BEST3: variants seen among roughly 807,000 people sequenced by gnomAD.
BEST3 encodes bestrophin-3.
In BEST3, 50 loss-of-function variants were observed where a neutral mutation model predicts 47.1. That is an observed-to-expected ratio of 1.06 (90% CI 0.85 to 1.34). The LOEUF (loss-of-function observed/expected upper bound fraction) is 1.34, where lower values mean the gene tolerates loss of function less well. Ranked by LOEUF, BEST3 falls within the 40% of genes most tolerant of loss-of-function variation. The pLI is 0.00. For missense variants in BEST3, 765 were observed against 817.0 expected (o/e 0.94, Z 0.78); for synonymous variants, 282 against 298.8 (o/e 0.94, Z 0.58).
downstream of BEST3, among the ~76,000 whole-genome samples, chr12:69,649,124 G>A (rs1404316356): frequency 6.6e-6 from 1 of 152,186 alleles, no homozygotes; most frequent in Non-Finnish European, 1.5e-5. Context: ...CCTCCCAAGA[G>A]CTGGGATTAC....
downstream of BEST3, chr12:69,643,531 T>C (rs74102931): frequency 5.1e-3 from 2,340 of 456,166 alleles, 50 homozygotes; most frequent in African/African-American, 0.042. Flanking sequence ...TAAAATCTCC[T>C]GGGAAGGTAC....
chr12:69,677,267 A>C lies in BEST3; in HGVS notation c.637-10T>G. On this transcript the variant is annotated splice_polypyrimidine_tract_variant and intron_variant, in intron 5 of 9. Coordinates refer to ENST00000330891, the MANE Select transcript of BEST3 (RefSeq NM_032735.3). The stretch of plus-strand genomic sequence containing the variant: ...GGTATCGATTCATTTCCTAAGCCAG[A>C]AACAGATCAAGCATGATTTACTAAG... The C allele has an allele frequency of 2.5e-6, 4 of 1,604,142 alleles. No homozygotes were observed. The highest frequency in any genetic ancestry group is 3.4e-6 in the Non-Finnish European group (4 of 1,174,764).
chr12:69,655,104 C>T lies in BEST3; in HGVS notation c.1810G>A (p.Gly604Arg), dbSNP rs748388072. The change falls in exon 10 of 10, where the codon GGA becomes AGA. Residue 604 changes from glycine to arginine, a missense_variant. Physicochemically the swap from Gly to Arg is moderately radical, Grantham distance 125. Coordinates refer to ENST00000330891, the MANE Select transcript of BEST3 (RefSeq NM_032735.3). Reference protein sequence around the residue: ...GFLGSSHTSLGNLSPDPMSSQ... With the variant: ...GFLGSSHTSLRNLSPDPMSSQ... ...CTCATGGGGTCTGGACTTAGGTTTC[C>T]CAGGGAAGTGTGGCTGGACCCCAGG... 1 of 1,614,090 alleles carries T rather than the reference C, an allele frequency of 6.2e-7. No individual in the cohort carries two copies. The highest frequency in any genetic ancestry group is 1.1e-5 in the South Asian group (1 of 91,078).
chr12:69,659,722 T>C (rs1883755010), intron 9 of BEST3, among the ~76,000 whole-genome samples: 1 of 152,160 alleles, frequency 6.6e-6, no homozygotes, highest in Non-Finnish European at 1.5e-5. Flanking sequence ...TTTTATTTTT[T>C]TTTTTATGCT....
intron 4 of BEST3, chr12:69,687,179 G>C (rs1885663727): frequency 6.6e-6 from 1 of 152,236 alleles, no homozygotes; most frequent in African/African-American, 2.4e-5. Context: ...CTTAGAGCCA[G>C]AGCATCTGAA....
intron 4 of BEST3, among the ~76,000 whole-genome samples, chr12:69,690,775 G>C (rs915783788): frequency 4.6e-5 from 7 of 152,094 alleles, no homozygotes; most frequent in Non-Finnish European, 8.8e-5. Context: ...TAATCTATTT[G>C]TTCCTGGAGA....
chr12:69,678,972 A>G (rs1885083357), intron 4 of BEST3, 79 bp from the exon 5 acceptor site: 3 of 1,167,480 alleles, frequency 2.6e-6, no homozygotes, highest in South Asian at 1.5e-5. Context: ...GCATCTATAT[A>G]AAAGCATATA....
At chr12:69,677,136 G>A in intron 6 of BEST3, 44 bp downstream of exon 6, 1 of 1,613,022 alleles carries the variant, frequency 6.2e-7, no homozygotes, top group Non-Finnish European at 8.5e-7. Context: ...CAGTGCCAAG[G>A]TAGGCAAGTA....
chr12:69,672,850 T>G (rs1884663679), intron 8 of BEST3, 35 bp downstream of exon 8: 1 of 1,463,992 alleles, frequency 6.8e-7, no homozygotes, highest in African/African-American at 1.4e-5. Flanking sequence ...TGATTTATTA[T>G]TAACATTTGA....
At chr12:69,659,837 A>C (rs985511519) in intron 9 of BEST3, among the ~76,000 whole-genome samples, 3 of 152,190 alleles carry the variant, frequency 2.0e-5, no homozygotes, top group Non-Finnish European at 4.4e-5. Context: ...TATACGATAG[A>C]ATAAAAGTAC....
chr12:69,655,603 A>G lies in BEST3; in HGVS notation c.1311T>C (p.Asp437=). The G allele has an allele frequency of 6.2e-7, 1 of 1,613,794 alleles. No homozygotes were observed. Among genetic ancestry groups the G allele is most frequent in the Non-Finnish European group, 8.5e-7 (1 of 1,179,932 alleles). ...CCCTGGGGGGGTTTCTTGAGGGCAC[A>G]TCCAGTAGGTCCCTGGCTGGGCTGA... ...DDLSPARDLL[D]VPSRNPPRAS... is the part of the protein sequence containing the mutation. Residue 437 remains aspartate, a synonymous_variant, in exon 10 of 10, where the codon GAT becomes GAC. Coordinates refer to ENST00000330891, the MANE Select transcript of BEST3 (RefSeq NM_032735.3).
At chr12:69,694,860 T>TAATAATAACAATAATAA (rs1207687912) in intron 2 of BEST3, among the ~76,000 whole-genome samples, 2 of 152,196 alleles carry the variant, frequency 1.3e-5, no homozygotes, top group Admixed American at 6.5e-5. Context: ...ATTAAGTAAT[T>TAATAATAACAATAATAA]GTTAAATAAT....
At chr12:69,674,486 C>A (rs1352465374) in intron 7 of BEST3, among the ~76,000 whole-genome samples, 1 of 152,178 alleles carries the variant, frequency 6.6e-6, no homozygotes. Context: ...TGCCCTGAAT[C>A]AGTAAGCCTC....
At chr12:69,653,595 C>A (rs2547016), downstream of BEST3, 693,626 of 965,954 alleles carry the variant, frequency 0.72, 249,759 homozygotes, top group South Asian at 0.81. Flanking sequence ...ACAGTGTAAG[C>A]ACTCAATAAA....
rs763385722 is a variant in BEST3, at chr12:69,680,310, C to CTTCTTTTTTTTTTTTTTTTTTTTTTT, written c.482-1418_482-1417insAAAAAAAAAAAAAAAAAAAAAAAGAA. Among the ~76,000 whole-genome samples the CTTCTTTTTTTTTTTTTTTTTTTTTTT allele has an allele frequency of 1.2e-3, 116 of 94,976 alleles. 14 individuals are homozygous for CTTCTTTTTTTTTTTTTTTTTTTTTTT. Among genetic ancestry groups the CTTCTTTTTTTTTTTTTTTTTTTTTTT allele is most frequent in the African/African-American group, 3.2e-3 (74 of 23,400 alleles). The allele number at this position is 94,976 out of a possible 152,430, so 62.3% of individuals were successfully genotyped here. Reference sequence around the variant, plus strand: ...TTAAAACTTACAGTTTACACTTGATCTTTTTTTTTTTTTTTTTAGATGGAG... The same window carrying CTTCTTTTTTTTTTTTTTTTTTTTTTT: ...TTAAAACTTACAGTTTACACTTGATCTTCTTTTTTTTTTTTTTTTTTTTTTTTTTTTTTTTTTTTTTTTAGATGGAG... On this transcript the variant is annotated intron_variant, in intron 4 of 9. Transcript: ENST00000330891.
At position 69,697,710 on chromosome 12, in the gene BEST3, T is replaced by C. The variant is rs1045998592; in HGVS notation, c.89A>G (p.Lys30Arg). 1.8e-5 allele frequency: 29 copies of C among 1,613,168 alleles called. No individual in the cohort carries two copies. The highest frequency in any genetic ancestry group is 2.5e-5 in the Non-Finnish European group (29 of 1,179,486). The change falls in exon 2 of 10, where the codon AAA becomes AGA. Residue 30 changes from lysine (K) to arginine (R), a missense_variant. Lys to Arg is a conservative substitution (Grantham distance 26). Transcript: ENST00000330891. ...AACAATAAATTCCCTGTACAGTAGTTTGTAGATGCTGCCTCTCCACTTGAG... is the reference window on the plus strand; with the variant it reads ...AACAATAAATTCCCTGTACAGTAGTCTGTAGATGCTGCCTCTCCACTTGAG... ...LLLKWRGSIYKLLYREFIVFA... is the reference protein window; with the variant it reads ...LLLKWRGSIYRLLYREFIVFA...
At chr12:69,663,700 A>T (rs952445674) in intron 9 of BEST3, among the ~76,000 whole-genome samples, 1 of 152,138 alleles carries the variant, frequency 6.6e-6, no homozygotes, top group African/African-American at 2.4e-5. Flanking sequence ...ATGCACTTGT[A>T]GTCCCAGCTA....
At chr12:69,670,819 A>C (rs2135959031) in intron 9 of BEST3, among the ~76,000 whole-genome samples, 2 of 152,216 alleles carry the variant, frequency 1.3e-5, no homozygotes, top group South Asian at 4.1e-4. Context: ...TTACTTTCTG[A>C]ATTAGTCTGT....
At position 69,686,475 on chromosome 12, in the gene BEST3, G is replaced by C. The variant is rs558527776; in HGVS notation, c.481+7199C>G. 3.3e-5 allele frequency among the ~76,000 whole-genome samples: 5 copies of C among 152,072 alleles called. No homozygotes were observed. The East Asian group carries it at 7.7e-4, about 24-fold the overall frequency. On this transcript the variant is annotated intron_variant, in intron 4 of 9. Transcript: ENST00000330891. ...TCAAGAAAACAGGACCTTCAACAGA[G>C]ATAAAAGAAAATATGCTGGCTGGGC...
Sources: allele counts gnomAD v4.1 joint callset (sites outside exome capture counted in the v4.1 genomes callset), GRCh38; gene constraint gnomAD v4.1.1; transcripts MANE v1.5; gene names NCBI Gene and HGNC (gene_info 2026-07-23, HGNC 2026-07-21).